PDGFC: variants seen among roughly 807,000 people sequenced by gnomAD.
PDGFC encodes platelet derived growth factor C.
In PDGFC, 12 loss-of-function variants were observed where a neutral mutation model predicts 35.5. That is an observed-to-expected ratio of 0.34 (90% confidence interval 0.22 to 0.55). PDGFC has a LOEUF of 0.55. Among genes scored for constraint, PDGFC ranks in the 20% least tolerant of loss-of-function variants. PDGFC has a pLI of 0.91. For missense variants in PDGFC, 322 were observed against 412.4 expected (o/e 0.78, Z 1.90); for synonymous variants, 159 against 148.8 (o/e 1.07, Z -0.50).
At chr4:156,826,487 C>G (rs1488569075) in intron 2 of PDGFC, among the ~76,000 whole-genome samples, 1 of 151,952 alleles carries the variant, frequency 6.6e-6, no homozygotes, top group Non-Finnish European at 1.5e-5. Context: ...CAGGAATGAG[C>G]CACCATGCCA....
intron 3 of PDGFC, among the ~76,000 whole-genome samples, chr4:156,794,191 C>A (rs1731378358): frequency 6.6e-6 from 1 of 152,104 alleles, no homozygotes; most frequent in African/African-American, 2.4e-5. Flanking sequence ...GTTGCTGACA[C>A]ACTGGGAAAG....
rs1350662505 is a variant in PDGFC, at chr4:156,824,315, TATATATATATATACACACAC to T, written c.315-13318_315-13299del. On this transcript the variant is annotated intron_variant, in intron 2 of 5. Transcript: ENST00000502773. ...ATATATATATATATATATATATATATATATATATATATACACACACACACACACACACACATATACACACA... is the reference window on the plus strand; with the variant it reads ...ATATATATATATATATATATATATATACACACACACACACATATACACACA... Among the ~76,000 whole-genome samples, 15 of 48,284 alleles carry T rather than the reference TATATATATATATACACACAC, an allele frequency of 3.1e-4. 1 individual carries two copies. The highest frequency in any genetic ancestry group is 2.0e-3 in the African/African-American group (15 of 7,382). 31.7% of individuals were successfully genotyped at this position (48,284 alleles called of 152,430 possible). A position where few individuals can be genotyped will look rare whatever the true frequency, so the allele number is the denominator to read the frequency against.
At chr4:156,826,174 A>ATGTTTT (rs1553967848) in intron 2 of PDGFC, among the ~76,000 whole-genome samples, 1 of 43,768 alleles carries the variant, frequency 2.3e-5, no homozygotes, top group African/African-American at 8.1e-5. Flanking sequence ...TTTGAGTTGG[A>ATGTTTT]TTTTTTTTTT....
chr4:156,952,531 C>G lies in PDGFC; in HGVS notation c.118+18255G>C, dbSNP rs192617247. Among the ~76,000 whole-genome samples, 73 of 151,912 alleles carry G rather than the reference C, an allele frequency of 4.8e-4. 3 individuals are homozygous for G. The highest frequency in any genetic ancestry group is 4.3e-3 in the Admixed American group (66 of 15,212). Reference sequence around the variant, plus strand: ...GAACTATGCTTTAACCTGGTATCTACTGCAGTACAAAGAGCTAAGTCACAC... The same window carrying G: ...GAACTATGCTTTAACCTGGTATCTAGTGCAGTACAAAGAGCTAAGTCACAC... On this transcript the variant is annotated intron_variant, in intron 1 of 5. Coordinates refer to ENST00000502773, the MANE Select transcript of PDGFC (RefSeq NM_016205.3).
intron 3 of PDGFC, among the ~76,000 whole-genome samples, chr4:156,786,359 T>C (rs1023144141): frequency 6.6e-6 from 1 of 152,082 alleles, no homozygotes; most frequent in Non-Finnish European, 1.5e-5. Context: ...AAGTAAAAAG[T>C]AAAGCAGGAA....
intron 1 of PDGFC, among the ~76,000 whole-genome samples, chr4:156,928,544 T>G: frequency 6.6e-6 from 1 of 152,082 alleles, no homozygotes; most frequent in East Asian, 1.9e-4. Context: ...ACCCGGGTAC[T>G]TGCTGCTAGG....
chr4:156,839,908 G>T (rs1729157217), intron 2 of PDGFC, among the ~76,000 whole-genome samples: 1 of 152,070 alleles, frequency 6.6e-6, no homozygotes, highest in Non-Finnish European at 1.5e-5. Context: ...GCGGTTTTTT[G>T]CTCCTGCCCT....
At chr4:156,831,834 T>G (rs756885277) in intron 2 of PDGFC, among the ~76,000 whole-genome samples, 1 of 152,174 alleles carries the variant, frequency 6.6e-6, no homozygotes, top group Non-Finnish European at 1.5e-5. Flanking sequence ...TTAGATACAA[T>G]TTTTCAAACC....
intron 1 of PDGFC, among the ~76,000 whole-genome samples, chr4:156,951,614 G>C (rs556493916): frequency 9.2e-5 from 14 of 151,494 alleles, no homozygotes; most frequent in African/African-American, 3.4e-4. Context: ...AATGAAAAGA[G>C]GGCATCCTCT....
At chr4:156,866,290 C>G (rs1356858335) in intron 1 of PDGFC, among the ~76,000 whole-genome samples, 3 of 152,114 alleles carry the variant, frequency 2.0e-5, no homozygotes, top group African/African-American at 7.2e-5. Flanking sequence ...ATGAACTCAT[C>G]ATTTTTTATG....
At chr4:156,969,241 A>C (rs1732534010) in intron 1 of PDGFC, among the ~76,000 whole-genome samples, 1 of 152,216 alleles carries the variant, frequency 6.6e-6, no homozygotes, top group African/African-American at 2.4e-5. Context: ...TTACATGAGA[A>C]AGAACAAAGG....
At chr4:156,826,605 T>C (rs1179995743) in intron 2 of PDGFC, among the ~76,000 whole-genome samples, 1 of 152,234 alleles carries the variant, frequency 6.6e-6, no homozygotes, top group Admixed American at 6.5e-5. Context: ...GGATTTACTA[T>C]AGGTTAGATT....
intron 1 of PDGFC, among the ~76,000 whole-genome samples, chr4:156,906,203 T>C (rs1194540602): frequency 6.6e-6 from 1 of 152,148 alleles, no homozygotes; most frequent in East Asian, 1.9e-4. Flanking sequence ...AACAATTAAA[T>C]ACAAATCACT....
chr4:156,884,650 A>C (rs1730331463), intron 1 of PDGFC, among the ~76,000 whole-genome samples: 1 of 152,226 alleles, frequency 6.6e-6, no homozygotes, highest in Admixed American at 6.5e-5. Flanking sequence ...ATTATCTTTG[A>C]ACACATTTTA....
intron 3 of PDGFC, among the ~76,000 whole-genome samples, chr4:156,805,487 A>C (rs1046829836): frequency 6.6e-6 from 1 of 152,080 alleles, no homozygotes; most frequent in Non-Finnish European, 1.5e-5. Flanking sequence ...AAGTTATGAA[A>C]ATTTAACATT....
intron 2 of PDGFC, among the ~76,000 whole-genome samples, chr4:156,813,143 CGTT>C (rs1185291757): frequency 6.6e-6 from 1 of 151,950 alleles, no homozygotes; most frequent in Non-Finnish European, 1.5e-5. Context: ...TTGGCAGAAA[CGTT>C]GATAATCATC....
intron 3 of PDGFC, among the ~76,000 whole-genome samples, chr4:156,779,521 T>G (rs2110840943): frequency 6.6e-6 from 1 of 152,292 alleles, no homozygotes; most frequent in South Asian, 2.1e-4. Flanking sequence ...AGCCAGCATT[T>G]AAAAGCAATA....
At chr4:156,891,279 C>A (rs1475991949) in intron 1 of PDGFC, among the ~76,000 whole-genome samples, 1 of 60,702 alleles carries the variant, frequency 1.6e-5, no homozygotes, top group Non-Finnish European at 3.3e-5. Context: ...GACTCCGTCT[C>A]AAAAAAAAAA....
chr4:156,957,272 T>C (rs151210732), intron 1 of PDGFC, among the ~76,000 whole-genome samples: 11 of 152,122 alleles, frequency 7.2e-5, no homozygotes, highest in African/African-American at 2.4e-4. Context: ...AAAACATGTT[T>C]CCTTCCATCC....
Sources: allele counts gnomAD v4.1 joint callset (sites outside exome capture counted in the v4.1 genomes callset), GRCh38; gene constraint gnomAD v4.1.1; transcripts MANE v1.5; gene names NCBI Gene and HGNC (gene_info 2026-07-23, HGNC 2026-07-21).